Variants in KRT80 observed in about 807,000 individuals in gnomAD.
KRT80 encodes keratin, type II cytoskeletal 80.
KRT80 carries 36 observed loss-of-function variants against 51.5 expected under a neutral mutation model. That is an observed-to-expected ratio of 0.70 (90% CI 0.54 to 0.92). The LOEUF is 0.92. KRT80 is among the 40% of genes least tolerant of loss of function. The pLI is 0.00. For synonymous variants in KRT80, 235 were observed against 248.3 expected (o/e 0.95, Z 0.50); for missense variants, 566 against 591.7 (o/e 0.96, Z 0.45).
intron 2 of KRT80, among the ~76,000 whole-genome samples, chr12:52,181,972 G>C (rs138143238): frequency 6.6e-6 from 1 of 152,204 alleles, no homozygotes; most frequent in African/African-American, 2.4e-5. Context: ...GCAGGGCTGC[G>C]TCACTCATCA....
Position 52,170,058 on chromosome 12 carries a change from T to G in KRT80, c.*1340A>C, listed in dbSNP as rs1379158747. On this transcript the variant is annotated 3_prime_UTR_variant, in exon 9 of 9. Coordinates refer to ENST00000394815, the MANE Select transcript of KRT80 (RefSeq NM_182507.3). ...GGGAGGCTGGTGCCGCTGGGATGCCTCTGCAAGCCTCAGCATTGAGAGCCA... is the reference window on the plus strand; with the variant it reads ...GGGAGGCTGGTGCCGCTGGGATGCCGCTGCAAGCCTCAGCATTGAGAGCCA... 1 of 152,404 alleles carries G rather than the reference T, an allele frequency of 6.6e-6. No homozygotes were observed. Among genetic ancestry groups the G allele is most frequent in the Non-Finnish European group, 1.5e-5 (1 of 68,182 alleles). 9.4% of individuals were successfully genotyped at this position (152,404 alleles called of 1,614,324 possible).
chr12:52,185,606 G>C lies in KRT80; in HGVS notation c.301-19C>G, dbSNP rs746099449. On this transcript the variant is annotated intron_variant, in intron 1 of 8. Transcript: ENST00000394815. ...CTTGCACCTGGGAGAGCAGGAAGGC[G>C]GCGAATGGGTCAGGTGTGGACCAGT... is the stretch of plus-strand genomic sequence containing the variant. 4 of 1,600,946 alleles carry C rather than the reference G, an allele frequency of 2.5e-6. No individual in the cohort carries two copies. Among genetic ancestry groups the C allele is most frequent in the Non-Finnish European group, 3.4e-6 (4 of 1,179,000 alleles).
At chr12:52,190,971 G>A (rs1001180759) in intron 1 of KRT80, among the ~76,000 whole-genome samples, 1 of 152,110 alleles carries the variant, frequency 6.6e-6, no homozygotes, top group Non-Finnish European at 1.5e-5. Flanking sequence ...CCGCAGTCAG[G>A]AGGGGCGCAG....
chr12:52,188,650 C>T (rs1941440155), intron 1 of KRT80, among the ~76,000 whole-genome samples: 1 of 152,244 alleles, frequency 6.6e-6, no homozygotes, highest in South Asian at 2.1e-4. Context: ...AGAGGTCACA[C>T]AGGCCTCGGT....
rs188371198 is a variant in KRT80 at position 52,191,023 on chromosome 12, G to A, written c.300+580C>T. Among the ~76,000 whole-genome samples, 347 of 152,226 alleles carry A rather than the reference G, an allele frequency of 2.3e-3. 2 individuals are homozygous for A. Among genetic ancestry groups the A allele is most frequent in the African/African-American group, 7.6e-3 (316 of 41,512 alleles). On this transcript the variant is annotated intron_variant, in intron 1 of 8. Coordinates refer to ENST00000394815, the MANE Select transcript of KRT80 (RefSeq NM_182507.3). ...ACTGGCTTCCCTGTTCTGACTCGAG[G>A]CATCGTCCCCTGCATTCCTATCTCC...
intron 1 of KRT80, among the ~76,000 whole-genome samples, chr12:52,190,007 G>A (rs1941457603): frequency 6.6e-6 from 1 of 152,216 alleles, no homozygotes; most frequent in African/African-American, 2.4e-5. Context: ...GGTTTGGTCA[G>A]GAGGTGGCTC....
In KRT80 at chr12:52,171,303, T is replaced by C; in HGVS notation, c.*95A>G. The C allele has an allele frequency of 7.6e-7, 1 of 1,313,160 alleles. No homozygotes were observed. The highest frequency in any genetic ancestry group is 2.3e-5 in the East Asian group (1 of 42,944). 81.3% of individuals were successfully genotyped at this position (1,313,160 alleles called of 1,614,324 possible). ...AGTTCAATATCAGGTTTTGCCTCTCTTCTCAACCTAGAGGCTCCAAGCTGC... is the reference window on the plus strand; with the variant it reads ...AGTTCAATATCAGGTTTTGCCTCTCCTCTCAACCTAGAGGCTCCAAGCTGC... On this transcript the variant is annotated 3_prime_UTR_variant, in exon 9 of 9. Coordinates refer to ENST00000394815, the MANE Select transcript of KRT80 (RefSeq NM_182507.3).
chr12:52,172,835 A>T (rs146061580), intron 6 of KRT80, among the ~76,000 whole-genome samples: 94 of 152,202 alleles, frequency 6.2e-4, no homozygotes, highest in African/African-American at 2.1e-3. Context: ...CAGATTACAG[A>T]GTATTTTTGT....
chr12:52,176,850 C>T (rs964021868), intron 4 of KRT80, among the ~76,000 whole-genome samples: 3 of 152,140 alleles, frequency 2.0e-5, no homozygotes, highest in Admixed American at 6.6e-5. Context: ...TTTTCTCATC[C>T]GTAAAATGGA....
rs543120170 is a variant in KRT80, at chr12:52,185,399, C to A, written c.489G>T (p.Lys163Asn). 1 of 1,613,686 alleles carries A rather than the reference C, an allele frequency of 6.2e-7. No homozygotes were observed. Among genetic ancestry groups the A allele is most frequent in the Admixed American group, 1.7e-5 (1 of 60,020 alleles). Reference sequence around the variant, plus strand: ...CGTACCTGATTCGAAACTCCTCAACCTTCTCCAGCACCTGCAGCAGGTTGG... The same window carrying A: ...CGTACCTGATTCGAAACTCCTCAACATTCTCCAGCACCTGCAGCAGGTTGG... ...LEANLLQVLEKVEEFRIRYED... is the reference protein window; with the variant it reads ...LEANLLQVLENVEEFRIRYED... The change falls in exon 2 of 9, where the codon AAG becomes AAT. Residue 163 changes from lysine to asparagine, a missense_variant. By Grantham distance (94) the Lys-to-Asn change is moderately conservative. Transcript: ENST00000394815.
chr12:52,178,525 G>A (rs946374588), intron 4 of KRT80, among the ~76,000 whole-genome samples: 7 of 152,234 alleles, frequency 4.6e-5, no homozygotes, highest in East Asian at 1.9e-4. Flanking sequence ...GAGAGGCCCC[G>A]CTCATGGGCT....
rs1941047799 is a variant in KRT80, at chr12:52,169,430, C to T, written c.*1968G>A. ...ATAACTAAGTCCCTGGACTTTTTCT[C>T]CCTTAATTGGAGAATTCCTAATGTT... On this transcript the variant is annotated 3_prime_UTR_variant, in exon 9 of 9. Coordinates refer to ENST00000394815, the MANE Select transcript of KRT80 (RefSeq NM_182507.3). 1.3e-5 allele frequency: 2 copies of T among 152,572 alleles called. No individual in the cohort carries two copies. The highest frequency in any genetic ancestry group is 2.1e-4 in the South Asian group (1 of 4,824). 9.5% of individuals were successfully genotyped at this position (152,572 alleles called of 1,614,324 possible).
chr12:52,191,809 C>A lies in KRT80; in HGVS notation c.94G>T (p.Asp32Tyr). The A allele has an allele frequency of 6.2e-7, 1 of 1,605,926 alleles. No individual in the cohort carries two copies. Among genetic ancestry groups the A allele is most frequent in the African/African-American group, 1.3e-5 (1 of 74,960 alleles). The change falls in exon 1 of 9, where the codon GAC (aspartate) becomes TAC (tyrosine). Residue 32 changes from aspartate to tyrosine, a missense_variant. By Grantham distance (160) the Asp-to-Tyr change is radical (BLOSUM62 -3). Coordinates refer to ENST00000394815, the MANE Select transcript of KRT80 (RefSeq NM_182507.3). The stretch of plus-strand genomic sequence containing the variant: ...CCCGGCCCGGGGGCCCTGCAGCTGT[C>A]CCATCCTGAGGTTCCAGGCCGGGGG... ...GSPRPGTSGW[D>Y]SCRAPGPGFS...
chr12:52,182,191 G>A (rs756004647), intron 2 of KRT80, among the ~76,000 whole-genome samples: 18 of 152,194 alleles, frequency 1.2e-4, no homozygotes, highest in Non-Finnish European at 5.9e-5. Context: ...TGGGGCAGAG[G>A]AGCAGGCCGG....
intron 1 of KRT80, 89 bp downstream of exon 1, chr12:52,191,514 C>T (rs1044745356): frequency 3.8e-5 from 50 of 1,311,046 alleles, no homozygotes; most frequent in East Asian, 1.2e-4. Context: ...GGGTGGGGCG[C>T]GGTGATCGAT....
At chr12:52,183,590 GA>G (rs1343629347) in intron 2 of KRT80, among the ~76,000 whole-genome samples, 1 of 152,254 alleles carries the variant, frequency 6.6e-6, no homozygotes, top group Non-Finnish European at 1.5e-5. Context: ...GAGAGAGGAA[GA>G]GAGGCTCAGC....
intron 1 of KRT80, among the ~76,000 whole-genome samples, chr12:52,187,678 C>T (rs1699604822): frequency 6.6e-6 from 1 of 152,150 alleles, no homozygotes; most frequent in Admixed American, 6.5e-5. Flanking sequence ...AACCTTAATC[C>T]TGCTCTCTGC....
intron 4 of KRT80, among the ~76,000 whole-genome samples, chr12:52,178,491 A>G (rs1328770467): frequency 1.3e-5 from 2 of 152,058 alleles, no homozygotes; most frequent in East Asian, 3.9e-4. Flanking sequence ...GATCTCTGCC[A>G]CTCTTAGGGA....
Position 52,171,527 on chromosome 12 carries a change from A to G in KRT80, c.1235-5T>C, listed in dbSNP as rs765436648. 3.1e-6 allele frequency: 5 copies of G among 1,613,652 alleles called. No individual in the cohort carries two copies. Among genetic ancestry groups the G allele is most frequent in the Non-Finnish European group, 4.2e-6 (5 of 1,179,790 alleles). ...AGAGGCCTGATCTGGAGGCAGCTACAGGGAACATAAGGGGTAGGGGAGGGA... is the reference window on the plus strand; with the variant it reads ...AGAGGCCTGATCTGGAGGCAGCTACGGGGAACATAAGGGGTAGGGGAGGGA... On this transcript the variant is annotated splice_polypyrimidine_tract_variant and splice_region_variant and intron_variant, in intron 8 of 8. Coordinates refer to ENST00000394815, the MANE Select transcript of KRT80 (RefSeq NM_182507.3).
Sources: allele counts gnomAD v4.1 joint callset (sites outside exome capture counted in the v4.1 genomes callset), GRCh38; gene constraint gnomAD v4.1.1; transcripts MANE v1.5; gene names NCBI Gene and HGNC (gene_info 2026-07-23, HGNC 2026-07-21).